Variants in STRN observed in about 807,000 individuals in gnomAD.
STRN encodes striatin.
A neutral mutation model predicts 96.3 loss-of-function variants in STRN; 53 were observed. The ratio of observed to expected loss-of-function variants is 0.55; its 90% CI spans 0.44 to 0.69. The LOEUF is 0.69. STRN is among the 30% of genes least tolerant of loss of function. The pLI is 0.00. For synonymous variants in STRN, 428 were observed against 355.9 expected (o/e 1.20, Z -2.28); for missense variants, 987 against 963.9 (o/e 1.02, Z -0.32).
In STRN at chr2:36,843,194, A is replaced by G. The variant is rs923657430; in HGVS notation, c.*6262T>C. Reference sequence around the variant, plus strand: ...GTGTGTACATACCAAAGGATATAATACTCATTAGTATACCAGCATACAGAA... The same window carrying G: ...GTGTGTACATACCAAAGGATATAATGCTCATTAGTATACCAGCATACAGAA... On this transcript the variant is annotated 3_prime_UTR_variant, in exon 18 of 18. Coordinates refer to ENST00000263918, the MANE Select transcript of STRN (RefSeq NM_003162.4). 2.6e-5 allele frequency among the ~76,000 whole-genome samples: 4 copies of G among 152,164 alleles called. No individual in the cohort carries two copies. The highest frequency in any genetic ancestry group is 4.4e-5 in the Non-Finnish European group (3 of 68,038).
At chr2:36,907,136 A>G (rs1669841158) in intron 3 of STRN, among the ~76,000 whole-genome samples, 1 of 152,212 alleles carries the variant, frequency 6.6e-6, no homozygotes, top group South Asian at 2.1e-4. Flanking sequence ...ACAGTACAAA[A>G]AAAGTGCATA....
At chr2:36,911,439 G>C (rs1464635647) in intron 3 of STRN, among the ~76,000 whole-genome samples, 2 of 152,116 alleles carry the variant, frequency 1.3e-5, no homozygotes, top group Non-Finnish European at 2.9e-5. Flanking sequence ...ACTACTGCCT[G>C]CATGTCAAAT....
At chr2:36,959,413 G>C (rs1664975553) in intron 1 of STRN, among the ~76,000 whole-genome samples, 1 of 152,168 alleles carries the variant, frequency 6.6e-6, no homozygotes, top group African/African-American at 2.4e-5. Flanking sequence ...CAGATGATTA[G>C]CCTGGCCCCT....
intron 7 of STRN, among the ~76,000 whole-genome samples, chr2:36,892,279 G>C (rs976731098): frequency 6.6e-6 from 1 of 152,120 alleles, no homozygotes; most frequent in African/African-American, 2.4e-5. Flanking sequence ...GGCAGGGAGG[G>C]CAGTAAGCGC....
chr2:36,899,683 C>A, intron 5 of STRN, 25 bp from the exon 6 acceptor site: 1 of 1,544,980 alleles, frequency 6.5e-7, no homozygotes, highest in Non-Finnish European at 8.7e-7. Flanking sequence ...GTATATCCTG[C>A]TTAGTTAATC....
intron 1 of STRN, among the ~76,000 whole-genome samples, chr2:36,935,744 C>A (rs1003436367): frequency 4.6e-5 from 7 of 152,026 alleles, no homozygotes; most frequent in Non-Finnish European, 1.0e-4. Context: ...TGCAATACTG[C>A]GGTTATTCAA....
At position 36,849,385 on chromosome 2, in the gene STRN, C is replaced by T. The variant is rs1431809044; in HGVS notation, c.*71G>A. ...AGGGCAGGACGAGATGATTCTTGCC[C>T]TCGTCTTCTGTATCTCTTGTGTGCA... On this transcript the variant is annotated 3_prime_UTR_variant, in exon 18 of 18. Transcript: ENST00000263918. The T allele has an allele frequency of 1.9e-6, 3 of 1,547,688 alleles. No individual in the cohort carries two copies. Among genetic ancestry groups the T allele is most frequent in the Non-Finnish European group, 2.6e-6 (3 of 1,135,942 alleles).
chr2:36,889,838 C>T (rs1055374586), intron 7 of STRN, among the ~76,000 whole-genome samples: 1 of 152,136 alleles, frequency 6.6e-6, no homozygotes, highest in African/African-American at 2.4e-5. Flanking sequence ...TGCTCACTAA[C>T]AGAACTATCC....
chr2:36,890,013 C>A (rs554144002), intron 7 of STRN, among the ~76,000 whole-genome samples: 1 of 152,196 alleles, frequency 6.6e-6, no homozygotes, highest in African/African-American at 2.4e-5. Context: ...CAGCTGTCCT[C>A]GGAGAAAAAC....
At chr2:36,849,900 G>C (rs1271099261) in intron 16 of STRN, 100 bp from the exon 17 acceptor site, 4 of 1,113,258 alleles carry the variant, frequency 3.6e-6, no homozygotes, top group Non-Finnish European at 5.4e-6. Context: ...ATCCCTCTCT[G>C]TGTGCTTACT....
chr2:36,901,422 C>T (rs749993055), intron 5 of STRN, among the ~76,000 whole-genome samples: 1 of 151,832 alleles, frequency 6.6e-6, no homozygotes, highest in Non-Finnish European at 1.5e-5. Flanking sequence ...TGCGGTGGCA[C>T]GCGCCTGTAG....
intron 13 of STRN, among the ~76,000 whole-genome samples, chr2:36,858,263 A>G (rs918534144): frequency 1.8e-4 from 27 of 152,198 alleles, no homozygotes; most frequent in Admixed American, 1.8e-3. Context: ...CCTTAAAAAA[A>G]CTGAGTATTT....
intron 9 of STRN, among the ~76,000 whole-genome samples, chr2:36,881,118 CTTTTTTTTTTTT>C (rs3081783): frequency 2.5e-5 from 2 of 78,980 alleles, no homozygotes; most frequent in Non-Finnish European, 2.4e-5. Flanking sequence ...ACACTGCCTT[CTTTTTTTTTTTT>C]TTTTTTTTTT....
intron 1 of STRN, among the ~76,000 whole-genome samples, chr2:36,947,810 T>C (rs927161040): frequency 8.6e-5 from 13 of 151,692 alleles, no homozygotes; most frequent in African/African-American, 2.7e-4. Flanking sequence ...GAACTAAAGA[T>C]GACATGTGGA....
intron 1 of STRN, among the ~76,000 whole-genome samples, chr2:36,962,210 T>G (rs892655198): frequency 6.6e-6 from 1 of 152,132 alleles, no homozygotes; most frequent in Non-Finnish European, 1.5e-5. Flanking sequence ...AAATTATTAA[T>G]GCCAAAACCC....
intron 1 of STRN, among the ~76,000 whole-genome samples, chr2:36,954,466 T>G (rs116729592): frequency 0.023 from 3,469 of 147,708 alleles, 60 homozygotes; most frequent in African/African-American, 0.05. Flanking sequence ...GAGTTGAGAT[T>G]ACACCATTGT....
chr2:36,964,256 T>G, intron 1 of STRN, among the ~76,000 whole-genome samples: 1 of 150,276 alleles, frequency 6.7e-6, no homozygotes, highest in African/African-American at 2.5e-5. Flanking sequence ...CTGGTGTGTG[T>G]GTGTGTTTTG....
intron 16 of STRN, among the ~76,000 whole-genome samples, 183 bp downstream of exon 16, chr2:36,850,817 T>A (rs1299976652): frequency 6.6e-6 from 1 of 152,112 alleles, no homozygotes; most frequent in East Asian, 1.9e-4. Context: ...TTCTGTATTG[T>A]ATAATAAAGA....
chr2:36,859,984 A>G (rs1668435899), intron 13 of STRN, among the ~76,000 whole-genome samples: 2 of 152,314 alleles, frequency 1.3e-5, no homozygotes, highest in Admixed American at 6.5e-5. Context: ...TTTCTAGACA[A>G]TACCATCAAA....
Sources: gnomAD v4.1 joint callset for allele counts (sites outside exome capture counted in the v4.1 genomes callset) on GRCh38, gnomAD v4.1.1 for gene constraint, MANE v1.5 for transcripts, NCBI Gene and HGNC (gene_info 2026-07-23, HGNC 2026-07-21) for gene names.